The following ZFP14 variants were observed in gnomAD, a reference collection of about 807,000 sequenced individuals.
ZFP14 encodes the protein zinc finger protein 14 homolog.
A neutral mutation model predicts 54.5 loss-of-function variants in ZFP14; 22 were observed. The observed-to-expected ratio is 0.40, with a 90% CI of 0.29 to 0.58. ZFP14 has a LOEUF of 0.58. ZFP14 is among the 20% of genes least tolerant of loss of function. The pLI, the probability that ZFP14 is intolerant of heterozygous loss-of-function variation, is 0.39. For synonymous variants in ZFP14, 159 were observed against 204.0 expected (o/e 0.78, Z 1.88); for missense variants, 470 against 637.8 (o/e 0.74, Z 2.83).
At chr19:36,368,937 G>A (rs967854237) in intron 1 of ZFP14, among the ~76,000 whole-genome samples, 2 of 152,066 alleles carry the variant, frequency 1.3e-5, no homozygotes, top group Admixed American at 6.6e-5. Flanking sequence ...TCCATCTCCC[G>A]GGTTCAAGTG....
chr19:36,373,811 T>G lies in ZFP14; in HGVS notation c.-80+5352A>C, dbSNP rs1176530397. Among the ~76,000 whole-genome samples the G allele has an allele frequency of 4.1e-5, 6 of 147,274 alleles. 1 individual carries two copies. In the South Asian group the frequency reaches 1.3e-3, roughly 32 times the overall value. On this transcript the variant is annotated intron_variant, in intron 1 of 4. Transcript: ENST00000270001. ...ACCTGTAGTCTCAGCTACCAGGAGG[T>G]TGAAGCAGGAGGATGGCTTGAGCCT...
intron 4 of ZFP14, among the ~76,000 whole-genome samples, chr19:36,358,963 T>C (rs2031665458): frequency 1.3e-5 from 2 of 152,312 alleles, no homozygotes; most frequent in South Asian, 4.1e-4. Flanking sequence ...CTAGCACATT[T>C]GCATGTTCAG....
intron 1 of ZFP14, among the ~76,000 whole-genome samples, chr19:36,371,579 T>C (rs748410367): frequency 1.3e-5 from 2 of 151,964 alleles, no homozygotes; most frequent in African/African-American, 2.4e-5. Context: ...GTTTATAGGA[T>C]TCATGGGACA....
chr19:36,341,130 C>T lies in ZFP14; in HGVS notation c.696G>A (p.Glu232=), dbSNP rs2031304678. The change falls in exon 5 of 5, where the codon GAG becomes GAA. Residue 232 remains glutamate (E), a synonymous_variant. Coordinates refer to ENST00000270001, the MANE Select transcript of ZFP14 (RefSeq NM_020917.3). The surrounding 1 kb of genome is among the most constrained non-coding windows in gnomAD (Gnocchi z 4.2). The part of the protein sequence containing the change: ...HTGEKPYECK[E]CGKAFTVLQE... ...GGAGCACTGTAAAGGCCTTCCCACA[C>T]TCCTTACATTCATAGGGTTTCTCAC... The T allele has an allele frequency of 1.2e-6, 2 of 1,613,820 alleles. No individual in the cohort carries two copies. Among genetic ancestry groups the T allele is most frequent in the Admixed American group, 1.7e-5 (1 of 59,970 alleles).
rs559387254 is a variant in ZFP14, at chr19:36,336,428, G to A, written c.*3796C>T. The A allele has an allele frequency of 3.3e-5, 5 of 151,760 alleles. No homozygotes were observed. The East Asian group carries it at 9.8e-4, about 30-fold the overall frequency. 9.4% of individuals were successfully genotyped at this position (151,760 alleles called of 1,614,324 possible). Reference sequence around the variant, plus strand: ...CTAATTTTGTATCTTTAATAGAGATGGGGTTTCTCAGTGTTGGTCAGGCTG... The same window carrying A: ...CTAATTTTGTATCTTTAATAGAGATAGGGTTTCTCAGTGTTGGTCAGGCTG... On this transcript the variant is annotated 3_prime_UTR_variant, in exon 5 of 5. Transcript: ENST00000270001.
intron 4 of ZFP14, among the ~76,000 whole-genome samples, chr19:36,355,925 G>A (rs1038726820): frequency 7.0e-6 from 1 of 142,064 alleles, no homozygotes; most frequent in African/African-American, 2.6e-5. Context: ...AAATAGAGAT[G>A]AAACTGTAGT....
chr19:36,370,126 G>A (rs1030522877), intron 1 of ZFP14, among the ~76,000 whole-genome samples: 1 of 152,172 alleles, frequency 6.6e-6, no homozygotes, highest in East Asian at 1.9e-4. Context: ...AATAGCTAAG[G>A]CAACCAGGTG....
intron 2 of ZFP14, among the ~76,000 whole-genome samples, chr19:36,363,009 T>G (rs917286721): frequency 6.6e-6 from 1 of 152,042 alleles, no homozygotes; most frequent in Admixed American, 6.5e-5. Context: ...CTCGAAAGTC[T>G]TCCCCAATTC....
At chr19:36,343,456 C>T (rs2145541112) in intron 4 of ZFP14, among the ~76,000 whole-genome samples, 1 of 152,244 alleles carries the variant, frequency 6.6e-6, no homozygotes. Context: ...TTGAGGAATC[C>T]TCTGACACTG....
At chr19:36,367,610 G>A (rs968767703) in intron 2 of ZFP14, among the ~76,000 whole-genome samples, 5 of 151,920 alleles carry the variant, frequency 3.3e-5, no homozygotes, top group Non-Finnish European at 7.4e-5. Context: ...CCTCCTGGGC[G>A]CCTGCCACCA....
chr19:36,375,512 C>T (rs1231247811), intron 1 of ZFP14, among the ~76,000 whole-genome samples: 1 of 151,588 alleles, frequency 6.6e-6, no homozygotes, highest in Non-Finnish European at 1.5e-5. Flanking sequence ...CTCAGCCTCC[C>T]GAGTAGCTGG....
chr19:36,347,894 C>G (rs2031447840), intron 4 of ZFP14, among the ~76,000 whole-genome samples: 2 of 152,044 alleles, frequency 1.3e-5, no homozygotes. Flanking sequence ...AACTGTCATA[C>G]TAAAAACACA....
intron 1 of ZFP14, among the ~76,000 whole-genome samples, chr19:36,370,951 G>T (rs2031868994): frequency 6.6e-6 from 1 of 152,218 alleles, no homozygotes; most frequent in African/African-American, 2.4e-5. Flanking sequence ...AAATGGAGAT[G>T]TCTGAACTGC....
intron 4 of ZFP14, among the ~76,000 whole-genome samples, chr19:36,349,316 T>A (rs921354235): frequency 2.3e-4 from 35 of 150,720 alleles, no homozygotes; most frequent in Admixed American, 9.3e-4. Context: ...ATATTTGTAT[T>A]TTATCAGAAT....
At chr19:36,368,033 A>G in intron 1 of ZFP14, 62 bp from the exon 2 acceptor site, 3 of 998,308 alleles carry the variant, frequency 3.0e-6, no homozygotes, top group South Asian at 2.1e-5. Context: ...AATGATGTAC[A>G]TCATAAATAT....
chr19:36,340,295 T>TA lies in ZFP14; in HGVS notation c.1530dup (p.Lys511Ter), dbSNP rs1453288318. 1.2e-6 allele frequency: 2 copies of TA among 1,614,022 alleles called. No homozygotes were observed. The highest frequency in any genetic ancestry group is 1.7e-6 in the Non-Finnish European group (2 of 1,179,978). On this transcript the variant is annotated frameshift_variant, in exon 5 of 5. Coordinates refer to ENST00000270001, the MANE Select transcript of ZFP14 (RefSeq NM_020917.3). LOFTEE classifies it high-confidence loss of function. The surrounding 1 kb of genome is among the most constrained non-coding windows in gnomAD (Gnocchi z 5.4). ...TGTCTAAAGGCCTTCTTACACTCCT[T>TA]ACACTTGTAGGGCTTCTCACCAGTA...
chr19:36,362,858 A>G (rs1221190467), intron 2 of ZFP14: 1 of 280,324 alleles, frequency 3.6e-6, no homozygotes, highest in Non-Finnish European at 7.1e-6. Flanking sequence ...ATTCAAATTC[A>G]TCACAAACTC....
At position 36,353,195 on chromosome 19, in the gene ZFP14, A is replaced by T. The variant is rs533689305; in HGVS notation, c.235+7240T>A. The stretch of plus-strand genomic sequence containing the variant: ...CAGGCTGTTGCAGTACAAGCACAGT[A>T]AGGGAAGTATTCAGAGAAGAGCAGC... On this transcript the variant is annotated intron_variant, in intron 4 of 4. Coordinates refer to ENST00000270001, the MANE Select transcript of ZFP14 (RefSeq NM_020917.3). 1.4e-4 allele frequency among the ~76,000 whole-genome samples: 20 copies of T among 142,996 alleles called. 3 individuals carry two copies. The South Asian group carries it at 1.8e-3, about 13-fold the overall frequency. 93.8% of individuals were successfully genotyped at this position (142,996 alleles called of 152,430 possible).
intron 1 of ZFP14, 125 bp from the exon 2 acceptor site, chr19:36,368,096 C>T: frequency 1.9e-6 from 1 of 535,322 alleles, no homozygotes; most frequent in Non-Finnish European, 3.3e-6. Context: ...ATTGGCTTTT[C>T]CAAAGTACCA....
Sources: gnomAD v4.1 joint callset for allele counts (sites outside exome capture counted in the v4.1 genomes callset) on GRCh38, gnomAD v4.1.1 for gene constraint, Gnocchi (gnomAD v3.1) non-coding constraint, MANE v1.5 for transcripts, NCBI Gene and HGNC (gene_info 2026-07-23, HGNC 2026-07-21) for gene names.